The following RBFOX1 variants were observed in gnomAD, a reference collection of about 807,000 sequenced individuals.
RBFOX1 encodes the protein RNA binding protein fox-1 homolog 1.
In RBFOX1, 8 loss-of-function variants were observed where a neutral mutation model predicts 57.7. The observed-to-expected ratio is 0.14, with a 90% CI of 0.08 to 0.25. The LOEUF (loss-of-function observed/expected upper bound fraction) is 0.25. Among genes scored for constraint, RBFOX1 ranks in the 10% least tolerant of loss-of-function variants. RBFOX1 has a pLI of 1.00. For missense variants in RBFOX1, 611 were observed against 548.5 expected (o/e 1.11, Z -1.14); for synonymous variants, 326 against 222.4 (o/e 1.47, Z -4.15).
intron 4 of RBFOX1, among the ~76,000 whole-genome samples, chr16:5,991,141 G>A (rs903108114): frequency 5.3e-5 from 8 of 152,156 alleles, no homozygotes; most frequent in South Asian, 2.1e-4. Context: ...TGGACCATTT[G>A]GGGGGTGACT....
At chr16:6,971,242 AT>A (rs1169606869) in intron 3 of RBFOX1, among the ~76,000 whole-genome samples, 3 of 152,170 alleles carry the variant, frequency 2.0e-5, no homozygotes, top group African/African-American at 7.2e-5. Flanking sequence ...CTGAATTGTT[AT>A]GGGGATGGGA....
rs143796538 is a variant in RBFOX1 at position 5,607,668 on chromosome 16, A to C, written c.318+8707A>C. Among the ~76,000 whole-genome samples the C allele has an allele frequency of 2.0e-5, 3 of 152,256 alleles. No individual in the cohort carries two copies. In the East Asian group the frequency reaches 5.8e-4, roughly 29 times the overall value. The stretch of plus-strand genomic sequence containing the variant: ...ATGAAAGTGTCAGCTCTGTTGATGT[A>C]AACTGTCCCAGAAGGCTCCCTCATA... On this transcript the variant is annotated intron_variant, in intron 3 of 19. Transcript: ENST00000641259.
intron 3 of RBFOX1, among the ~76,000 whole-genome samples, chr16:6,849,350 A>G (rs768857632): frequency 6.6e-6 from 1 of 152,194 alleles, no homozygotes; most frequent in Admixed American, 6.5e-5. Context: ...AAGTAGAAAA[A>G]ATATAGTCTT....
intron 3 of RBFOX1, among the ~76,000 whole-genome samples, chr16:7,016,499 A>C (rs773173191): frequency 5.9e-5 from 9 of 152,168 alleles, no homozygotes; most frequent in Non-Finnish European, 1.3e-4. Flanking sequence ...GTGATAACAG[A>C]CACAGCCACA....
chr16:5,308,295 C>G (rs1175261845), intron 1 of RBFOX1, among the ~76,000 whole-genome samples: 1 of 151,416 alleles, frequency 6.6e-6, no homozygotes, highest in East Asian at 1.9e-4. Flanking sequence ...CCACTACACT[C>G]TAGCCTGGGT....
intron 3 of RBFOX1, among the ~76,000 whole-genome samples, chr16:6,735,964 G>GTT (rs2070146882): frequency 0.1 from 2 of 20 alleles, no homozygotes; most frequent in Non-Finnish European, 0.17. Flanking sequence ...GAATAAATAA[G>GTT]GTTTGCTTCC....
chr16:5,815,353 C>A (rs1278869009), intron 3 of RBFOX1, among the ~76,000 whole-genome samples: 1 of 152,016 alleles, frequency 6.6e-6, no homozygotes, highest in African/African-American at 2.4e-5. Context: ...CTTCTATCCT[C>A]CCATCCCCTG....
rs151177772 is a variant in RBFOX1 at position 6,824,983 on chromosome 16, G to GTTTTTTTTTTTTTTTTTTT, written c.-16+170346_-16+170364dup. On this transcript the variant is annotated intron_variant, in intron 3 of 15. Transcript: ENST00000550418. ...GGATTTCTTTTTTCTTTCTTTCTTGGTTTTTTTTTTTTTTTTTTTTTTTTT... is the reference window on the plus strand; with the variant it reads ...GGATTTCTTTTTTCTTTCTTTCTTGGTTTTTTTTTTTTTTTTTTTTTTTTTTTTTTTTTTTTTTTTTTTT... 1.8e-3 allele frequency among the ~76,000 whole-genome samples: 68 copies of GTTTTTTTTTTTTTTTTTTT among 36,910 alleles called. 19 individuals are homozygous for GTTTTTTTTTTTTTTTTTTT. Among genetic ancestry groups the GTTTTTTTTTTTTTTTTTTT allele is most frequent in the East Asian group, 3.2e-3 (3 of 934 alleles). The allele number at this position is 36,910 out of a possible 152,430, so 24.2% of individuals were successfully genotyped here.
chr16:6,549,696 C>T (rs920991087), intron 2 of RBFOX1, among the ~76,000 whole-genome samples: 5 of 152,052 alleles, frequency 3.3e-5, no homozygotes, highest in Non-Finnish European at 5.9e-5. Context: ...CTGGAGTCTT[C>T]TGAGTGGCTG....
rs79686085 is a variant in RBFOX1, at chr16:6,954,679, G to C, written c.-15-97378G>C. Among the ~76,000 whole-genome samples, 300 of 152,106 alleles carry C rather than the reference G, an allele frequency of 2.0e-3. 1 individual carries two copies. Among genetic ancestry groups the C allele is most frequent in the African/African-American group, 6.5e-3 (271 of 41,504 alleles). On this transcript the variant is annotated intron_variant, in intron 3 of 15. Transcript: ENST00000550418. Reference sequence around the variant, plus strand: ...CTCCAATATCAGGTCATTGCATTTAGGGGCTCTCTTAAGTGCAGGTGCCCA... The same window carrying C: ...CTCCAATATCAGGTCATTGCATTTACGGGCTCTCTTAAGTGCAGGTGCCCA...
At chr16:6,678,034 A>G (rs999370159) in intron 3 of RBFOX1, among the ~76,000 whole-genome samples, 9 of 152,212 alleles carry the variant, frequency 5.9e-5, no homozygotes, top group Non-Finnish European at 1.0e-4. Context: ...CTGAGAAGAA[A>G]CAGCTGAAAT....
At chr16:6,139,752 T>G (rs149351620) in intron 1 of RBFOX1, among the ~76,000 whole-genome samples, 5 of 152,346 alleles carry the variant, frequency 3.3e-5, no homozygotes, top group Admixed American at 2.6e-4. Flanking sequence ...CGTTTTTTTC[T>G]TGATTTCTCC....
chr16:5,467,068 T>TA, intron 1 of RBFOX1: 1 of 897,868 alleles, frequency 1.1e-6, no homozygotes, highest in Non-Finnish European at 1.6e-6. Context: ...TGACACATGT[T>TA]AGGCATTTAA....
At chr16:5,552,820 A>G (rs2045515837) in intron 2 of RBFOX1, among the ~76,000 whole-genome samples, 1 of 131,662 alleles carries the variant, frequency 7.6e-6, no homozygotes, top group Non-Finnish European at 1.6e-5. Context: ...CAGGCCTCGG[A>G]GCAGATACAG....
chr16:5,869,008 C>G (rs1235972345), intron 4 of RBFOX1, among the ~76,000 whole-genome samples: 1 of 152,142 alleles, frequency 6.6e-6, no homozygotes, highest in Admixed American at 6.5e-5. Context: ...ATGATGATCC[C>G]TATTTCACAG....
chr16:6,439,568 T>G (rs1288993540), intron 2 of RBFOX1, among the ~76,000 whole-genome samples: 1 of 152,124 alleles, frequency 6.6e-6, no homozygotes, highest in Non-Finnish European at 1.5e-5. Context: ...TACAGGGAAG[T>G]GTTGACTGGA....
chr16:7,688,260 T>TGTGTGTGTGA (rs1319185243), intron 14 of RBFOX1, among the ~76,000 whole-genome samples: 18 of 125,294 alleles, frequency 1.4e-4, no homozygotes, highest in African/African-American at 4.2e-4. Flanking sequence ...TGTGTGTGTG[T>TGTGTGTGTGA]GAGAGAGAGA....
chr16:6,495,670 T>C (rs558966826), intron 2 of RBFOX1, among the ~76,000 whole-genome samples: 111 of 152,362 alleles, frequency 7.3e-4, no homozygotes, highest in South Asian at 2.5e-3. Context: ...ATGCCTCTTA[T>C]GGCTTTTGGA....
intron 12 of RBFOX1, among the ~76,000 whole-genome samples, chr16:7,659,544 C>G (rs2067169929): frequency 6.6e-6 from 1 of 151,958 alleles, no homozygotes; most frequent in Admixed American, 6.6e-5. Flanking sequence ...TTGACTTGGA[C>G]CACACATAAA....
Sources: allele counts gnomAD v4.1 joint callset (sites outside exome capture counted in the v4.1 genomes callset), GRCh38; gene constraint gnomAD v4.1.1; transcripts MANE v1.5; gene names NCBI Gene and HGNC (gene_info 2026-07-23, HGNC 2026-07-21).